Variants in CDK5RAP2 observed in about 807,000 individuals in gnomAD.
CDK5RAP2 encodes CDK5 regulatory subunit associated protein 2, also known as CDK5 regulatory subunit-associated protein 2.
In CDK5RAP2, 147 loss-of-function variants were observed where a neutral mutation model predicts 232.9. The observed-to-expected ratio is 0.63, with a 90% CI of 0.55 to 0.72. The LOEUF (loss-of-function observed/expected upper bound fraction) is 0.72. Among genes scored for constraint, CDK5RAP2 ranks in the 30% least tolerant of loss-of-function variants. The pLI is 0.00. For synonymous variants in CDK5RAP2, 833 were observed against 833.7 expected (o/e 1.00, Z 0.01); for missense variants, 2,195 against 2,231.5 (o/e 0.98, Z 0.33).
intron 25 of CDK5RAP2, among the ~76,000 whole-genome samples, chr9:120,428,692 G>A (rs1312596314): frequency 1.3e-5 from 2 of 152,156 alleles, no homozygotes; most frequent in African/African-American, 4.8e-5. Flanking sequence ...GGAGGAACTG[G>A]TACCATTCCT....
intron 21 of CDK5RAP2, among the ~76,000 whole-genome samples, chr9:120,449,198 C>T (rs1173591105): frequency 1.3e-5 from 2 of 152,162 alleles, no homozygotes; most frequent in African/African-American, 4.8e-5. Context: ...TTAGCATATG[C>T]CGACTCCTTT....
chr9:120,567,408 CCTTCTCTCTGTGTCCTCCAT>C (rs959790680), intron 3 of CDK5RAP2, among the ~76,000 whole-genome samples: 3 of 152,132 alleles, frequency 2.0e-5, no homozygotes, highest in African/African-American at 7.2e-5. Context: ...TGTGGAATGT[CCTTCTCTCTGTGTCCTCCAT>C]CTTCTCTCTG....
chr9:120,478,189 T>C (rs1414430212), intron 14 of CDK5RAP2, among the ~76,000 whole-genome samples: 1 of 152,248 alleles, frequency 6.6e-6, no homozygotes, highest in African/African-American at 2.4e-5. Flanking sequence ...CAATTACCAC[T>C]GCCTTATGGA....
chr9:120,471,807 G>A lies in CDK5RAP2; in HGVS notation c.1799C>T (p.Ser600Leu). The A allele has an allele frequency of 6.2e-7, 1 of 1,613,676 alleles. No individual in the cohort carries two copies. Among genetic ancestry groups the A allele is most frequent in the Non-Finnish European group, 8.5e-7 (1 of 1,179,580 alleles). ...LRKQLEQDVL[S>L]YQNLRKTLEE... ...CAAGGTCTTCCGCAAATTCTGATAT[G>A]AAAGCACATCCTGCTCCAGTTGCTT... The change falls in exon 16 of 38, where the codon TCA becomes TTA. Residue 600 changes from serine to leucine, a missense_variant. By Grantham distance (145) the Ser-to-Leu change is moderately radical. Transcript: ENST00000349780.
intron 4 of CDK5RAP2, among the ~76,000 whole-genome samples, chr9:120,548,549 TA>T (rs1316656062): frequency 6.6e-6 from 1 of 152,216 alleles, no homozygotes; most frequent in African/African-American, 2.4e-5. Context: ...CTCACACCTG[TA>T]AGTCCCAACA....
At chr9:120,552,429 G>A (rs1376125218) in intron 3 of CDK5RAP2, among the ~76,000 whole-genome samples, 1 of 152,088 alleles carries the variant, frequency 6.6e-6, no homozygotes, top group South Asian at 2.1e-4. Flanking sequence ...AATAGCAAAG[G>A]CTTGGAACCA....
intron 15 of CDK5RAP2, among the ~76,000 whole-genome samples, chr9:120,476,604 G>T (rs549883058): frequency 6.6e-6 from 1 of 151,696 alleles, no homozygotes; most frequent in Non-Finnish European, 1.5e-5. Context: ...GCTTGAACCC[G>T]GGAGGCGGAG....
intron 29 of CDK5RAP2, among the ~76,000 whole-genome samples, 171 bp from the exon 30 acceptor site, chr9:120,409,487 C>T (rs1588258114): frequency 6.6e-6 from 1 of 152,384 alleles, no homozygotes; most frequent in East Asian, 1.9e-4. Flanking sequence ...TTGTCAACAT[C>T]AAGGCTGCAG....
chr9:120,483,133 T>C (rs1735002435), intron 14 of CDK5RAP2, among the ~76,000 whole-genome samples: 1 of 152,142 alleles, frequency 6.6e-6, no homozygotes, highest in African/African-American at 2.4e-5. Context: ...GGCCTCTCAG[T>C]GCAGAGAAGA....
chr9:120,419,771 A>T lies in CDK5RAP2; in HGVS notation c.4177+17T>A. The T allele has an allele frequency of 6.3e-7, 1 of 1,599,638 alleles. No homozygotes were observed. Among genetic ancestry groups the T allele is most frequent in the Non-Finnish European group, 8.6e-7 (1 of 1,166,902 alleles). ...TAATCAGGCCATGTTTAAAACACTT[A>T]ATGAGGCTTAGCTTACCTTGAGAAA... On this transcript the variant is annotated intron_variant, in intron 27 of 37. Transcript: ENST00000349780.
intron 6 of CDK5RAP2, among the ~76,000 whole-genome samples, chr9:120,538,837 C>T (rs1343156926): frequency 2.6e-5 from 4 of 152,122 alleles, no homozygotes; most frequent in African/African-American, 9.7e-5. Flanking sequence ...GAAATGAGGA[C>T]CACAATGGCC....
chr9:120,397,244 G>A (rs931749588), intron 35 of CDK5RAP2, among the ~76,000 whole-genome samples: 1 of 151,998 alleles, frequency 6.6e-6, no homozygotes, highest in Non-Finnish European at 1.5e-5. Flanking sequence ...GATAATGAAC[G>A]CCCAAGTGCC....
chr9:120,414,441 G>C (rs192572380), intron 28 of CDK5RAP2, among the ~76,000 whole-genome samples: 2 of 152,300 alleles, frequency 1.3e-5, no homozygotes, highest in African/African-American at 4.8e-5. Flanking sequence ...CAAATGGACA[G>C]AATCATGGAT....
At chr9:120,485,573 G>A (rs2038557516) in intron 14 of CDK5RAP2, among the ~76,000 whole-genome samples, 1 of 152,170 alleles carries the variant, frequency 6.6e-6, no homozygotes, top group African/African-American at 2.4e-5. Context: ...GATTACAGGA[G>A]ATACTTTTTA....
At chr9:120,435,515 G>A (rs928607172) in intron 25 of CDK5RAP2, among the ~76,000 whole-genome samples, 8 of 150,806 alleles carry the variant, frequency 5.3e-5, no homozygotes, top group Non-Finnish European at 1.2e-4. Flanking sequence ...CTGCTAAAGG[G>A]CCTAGACACA....
At chr9:120,423,351 A>C (rs971134643) in intron 25 of CDK5RAP2, among the ~76,000 whole-genome samples, 5 of 152,240 alleles carry the variant, frequency 3.3e-5, no homozygotes, top group African/African-American at 1.2e-4. Flanking sequence ...AAATAAAATA[A>C]GCATCTTTGT....
In CDK5RAP2 at chr9:120,399,151, C is replaced by T. The variant is rs150571468; in HGVS notation, c.5451+1591G>A. Reference sequence around the variant, plus strand: ...AAGGGGTACTCAGGAGCACCAACCACTCCTGGAATGATTTGCAAGTAGGGA... The same window carrying T: ...AAGGGGTACTCAGGAGCACCAACCATTCCTGGAATGATTTGCAAGTAGGGA... On this transcript the variant is annotated intron_variant, in intron 35 of 37. Transcript: ENST00000349780. Among the ~76,000 whole-genome samples the T allele has an allele frequency of 2.7e-3, 410 of 152,290 alleles. 3 individuals carry two copies. Among genetic ancestry groups the T allele is most frequent in the African/African-American group, 9.3e-3 (387 of 41,550 alleles).
At chr9:120,485,499 T>C (rs1317192916) in intron 14 of CDK5RAP2, among the ~76,000 whole-genome samples, 2 of 152,144 alleles carry the variant, frequency 1.3e-5, no homozygotes, top group Non-Finnish European at 2.9e-5. Flanking sequence ...TTCACCATAT[T>C]GGCCAGGGTG....
chr9:120,404,956 G>GGGA (rs928243814), intron 32 of CDK5RAP2, among the ~76,000 whole-genome samples: 6 of 152,206 alleles, frequency 3.9e-5, no homozygotes, highest in African/African-American at 1.4e-4. Flanking sequence ...TTCATGGAAG[G>GGGA]GGAGACCAAG....
Sources: gnomAD v4.1 joint callset for allele counts (sites outside exome capture counted in the v4.1 genomes callset) on GRCh38, gnomAD v4.1.1 for gene constraint, MANE v1.5 for transcripts, NCBI Gene and HGNC (gene_info 2026-07-23, HGNC 2026-07-21) for gene names.